The following TINAGL1 variants were observed in gnomAD, a reference collection of about 807,000 sequenced individuals.
TINAGL1 encodes tubulointerstitial nephritis antigen-like.
In TINAGL1, 34 loss-of-function variants were observed where a neutral mutation model predicts 62.0. That is an observed-to-expected ratio of 0.55 (90% CI 0.42 to 0.73). TINAGL1 has a LOEUF of 0.73. Ranked by LOEUF, TINAGL1 falls within the 30% of genes least tolerant of loss-of-function variation. TINAGL1 has a pLI of 0.00. For missense variants in TINAGL1, 516 were observed against 653.2 expected (o/e 0.79, Z 2.29); for synonymous variants, 221 against 249.7 (o/e 0.88, Z 1.08).
In TINAGL1 at chr1:31,577,364, C is replaced by T. The variant is rs756880465; in HGVS notation, c.216C>T (p.Tyr72=). Residue 72 remains tyrosine (Y), a synonymous_variant, in exon 2 of 12, where the codon TAC becomes TAT. Transcript: ENST00000271064. This position sits in a 1 kb window ranked among gnomAD's most constrained non-coding sequence, Gnocchi z 5.4. ...TGCCCTACCTGGGCGCCATCTGTTA[C>T]TGTGACCTCTTCTGCAACCGCACGG... ...CALPYLGAIC[Y]CDLFCNRTVS... 2 of 1,614,064 alleles carry T rather than the reference C, an allele frequency of 1.2e-6. No individual in the cohort carries two copies. Among genetic ancestry groups the T allele is most frequent in the South Asian group, 2.2e-5 (2 of 91,090 alleles).
chr1:31,580,203 CTCTCTCTCTG>C lies in TINAGL1; in HGVS notation c.374+946_374+955del, dbSNP rs1557557921. ...TCTCTCTCTCTCTCTCTCTCTCTCT[CTCTCTCTCTG>C]TCTCTCTCTCTCTGTCTCTCTCTGT... On this transcript the variant is annotated intron_variant, in intron 3 of 11. Transcript: ENST00000271064. 1.4e-3 allele frequency: 620 copies of C among 433,974 alleles called. 2 individuals are homozygous for C. Among genetic ancestry groups the C allele is most frequent in the Admixed American group, 2.2e-3 (24 of 10,750 alleles). 26.9% of individuals were successfully genotyped at this position (433,974 alleles called of 1,614,324 possible). A position where few individuals can be genotyped will look rare whatever the true frequency, so the allele number is the denominator to read the frequency against.
At chr1:31,580,657 C>T in intron 3 of TINAGL1, 1 of 1,288,808 alleles carries the variant, frequency 7.8e-7, no homozygotes, top group Non-Finnish European at 1.0e-6. Context: ...CCTTGAGGCT[C>T]CTTAAAAGGC....
In TINAGL1 at chr1:31,583,639, C is replaced by G; in HGVS notation, c.582+64C>G. ...TGGCTCAGAACCTCAGGGATGCTGG[C>G]CCTGTGCCCTGCTCCTCCAAGGGCC... On this transcript the variant is annotated intron_variant, in intron 5 of 11. Transcript: ENST00000271064. The surrounding 1 kb of genome is among the most constrained non-coding windows in gnomAD (Gnocchi z 4.4). The G allele has an allele frequency of 7.1e-7, 1 of 1,413,618 alleles. No homozygotes were observed. The highest frequency in any genetic ancestry group is 1.4e-5 in the African/African-American group (1 of 70,910). The allele number at this position is 1,413,618 out of a possible 1,614,324, so 87.6% of individuals were successfully genotyped here.
At position 31,587,679 on chromosome 1, in the gene TINAGL1, A is replaced by G. The variant is rs981738128; in HGVS notation, c.*700A>G. The stretch of plus-strand genomic sequence containing the variant: ...CACTGTTTTAAAATAAAACCAAAGT[A>G]TTGATAACTACAGTGTCTTGGAACC... On this transcript the variant is annotated 3_prime_UTR_variant, in exon 12 of 12. Transcript: ENST00000271064. The G allele has an allele frequency of 6.6e-6, 1 of 152,248 alleles. No homozygotes were observed. The highest frequency in any genetic ancestry group is 1.5e-5 in the Non-Finnish European group (1 of 68,056). 9.4% of individuals were successfully genotyped at this position (152,248 alleles called of 1,614,324 possible). A position where few individuals can be genotyped will look rare whatever the true frequency, so the allele number is the denominator to read the frequency against.
In TINAGL1 at chr1:31,585,852, G is replaced by C; in HGVS notation, c.1193G>C (p.Gly398Ala). The C allele has an allele frequency of 6.2e-7, 1 of 1,602,292 alleles. No individual in the cohort carries two copies. The highest frequency in any genetic ancestry group is 8.5e-7 in the Non-Finnish European group (1 of 1,174,012). ...LGRPERYRRH[G>A]THSVKITGWG... is the part of the protein sequence containing the mutation. The stretch of plus-strand genomic sequence containing the variant: ...AGGCCAGAGAGATACCGCCGGCATG[G>C]GACCCACTCAGTCAAGATCACAGGG... The change falls in exon 10 of 12, where the codon GGG becomes GCG. Residue 398 changes from glycine to alanine, a missense_variant. Gly to Ala is a moderately conservative substitution (Grantham distance 60). Transcript: ENST00000271064. The surrounding 1 kb of genome is among the most constrained non-coding windows in gnomAD (Gnocchi z 4.3).
At position 31,583,709 on chromosome 1, in the gene TINAGL1, C is replaced by T. The variant is rs1378933023; in HGVS notation, c.582+134C>T. 2.8e-6 allele frequency: 2 copies of T among 722,494 alleles called. No individual in the cohort carries two copies. Among genetic ancestry groups the T allele is most frequent in the East Asian group, 2.7e-5 (1 of 36,746 alleles). 44.8% of individuals were successfully genotyped at this position (722,494 alleles called of 1,614,324 possible). On this transcript the variant is annotated intron_variant, in intron 5 of 11. Coordinates refer to ENST00000271064, the MANE Select transcript of TINAGL1 (RefSeq NM_022164.3). This position sits in a 1 kb window ranked among gnomAD's most constrained non-coding sequence, Gnocchi z 4.4. ...AGGCTGTGTGTCCCTGGACAAGTTA[C>T]TCCCCTTCTCTGGGCCTCTGTTCCC...
chr1:31,585,607 C>A lies in TINAGL1; in HGVS notation c.1093+122C>A. ...GTCCAGTAGGGCCAGGAGTAGGGGT[C>A]CCCCCCTCCCACAGGCAGCACCTGG... On this transcript the variant is annotated intron_variant, in intron 9 of 11. Coordinates refer to ENST00000271064, the MANE Select transcript of TINAGL1 (RefSeq NM_022164.3). This position sits in a 1 kb window ranked among gnomAD's most constrained non-coding sequence, Gnocchi z 4.3. 1 of 1,519,834 alleles carries A rather than the reference C, an allele frequency of 6.6e-7. No individual in the cohort carries two copies. Among genetic ancestry groups the A allele is most frequent in the Non-Finnish European group, 8.9e-7 (1 of 1,123,664 alleles). 94.1% of individuals were successfully genotyped at this position (1,519,834 alleles called of 1,614,324 possible). A position where few individuals can be genotyped will look rare whatever the true frequency, so the allele number is the denominator to read the frequency against.
intron 3 of TINAGL1, chr1:31,579,664 A>C (rs921492902): frequency 1.2e-5 from 2 of 170,490 alleles, no homozygotes; most frequent in Admixed American, 1.2e-4. Context: ...GGGATGGCTG[A>C]GCGGGCGGCC....
At chr1:31,578,353 G>T (rs1639067991) in intron 2 of TINAGL1, among the ~76,000 whole-genome samples, 1 of 122,952 alleles carries the variant, frequency 8.1e-6, no homozygotes, top group Non-Finnish European at 1.6e-5. Context: ...GTTATAGTTT[G>T]GCTTCAATTT....
In TINAGL1 at chr1:31,585,784, A is replaced by G; in HGVS notation, c.1125A>G (p.Leu375=). 2 of 1,613,718 alleles carry G rather than the reference A, an allele frequency of 1.2e-6. No individual in the cohort carries two copies. The highest frequency in any genetic ancestry group is 2.2e-5 in the South Asian group (2 of 90,954). ...ALMEVHEDFF[L]YKGGIYSHTP... ...TGGAGGTGCATGAGGACTTCTTCCT[A>G]TACAAGGGAGGCATCTACAGCCACA... Residue 375 remains leucine (L), a synonymous_variant, in exon 10 of 12, where the codon CTA becomes CTG. Coordinates refer to ENST00000271064, the MANE Select transcript of TINAGL1 (RefSeq NM_022164.3). The surrounding 1 kb of genome is among the most constrained non-coding windows in gnomAD (Gnocchi z 4.3).
intron 3 of TINAGL1, chr1:31,580,739 G>GCT: frequency 8.0e-7 from 1 of 1,246,450 alleles, no homozygotes; most frequent in South Asian, 1.3e-5. Flanking sequence ...AGAGTTATGA[G>GCT]CTTGTAAAAG....
intron 3 of TINAGL1, 72 bp downstream of exon 3, chr1:31,579,339 C>A: frequency 1.4e-6 from 2 of 1,380,134 alleles, no homozygotes; most frequent in South Asian, 2.4e-5. Flanking sequence ...AAATCTTATC[C>A]CTGACCCCTT....
chr1:31,578,414 GTTTAA>G (rs1639071968), intron 2 of TINAGL1, among the ~76,000 whole-genome samples: 1 of 126,286 alleles, frequency 7.9e-6, no homozygotes, highest in South Asian at 3.0e-4. Context: ...TTCAGTTATA[GTTTAA>G]TTTTAGTGAC....
Position 31,585,420 on chromosome 1 carries a change from GTCCA to G in TINAGL1, c.1048-16_1048-13del. On this transcript the variant is annotated splice_polypyrimidine_tract_variant and intron_variant, in intron 8 of 11. Coordinates refer to ENST00000271064, the MANE Select transcript of TINAGL1 (RefSeq NM_022164.3). The surrounding 1 kb of genome is among the most constrained non-coding windows in gnomAD (Gnocchi z 4.3). ...GTCTCACCCCTGACGTATGCTCTCT[GTCCA>G]TCCCCTGCCCTCCAGGACAAGGAGA... 1 of 1,613,850 alleles carries G rather than the reference GTCCA, an allele frequency of 6.2e-7. No individual in the cohort carries two copies. Among genetic ancestry groups the G allele is most frequent in the Non-Finnish European group, 8.5e-7 (1 of 1,179,832 alleles).
At position 31,583,189 on chromosome 1, in the gene TINAGL1, C is replaced by G; in HGVS notation, c.415C>G (p.Pro139Ala). ...CAGGCAGTGGCAGTGTGACCAAGAA[C>G]CATGCCTGGTGGATCCAGACATGAT... is the stretch of plus-strand genomic sequence containing the variant. Reference protein sequence around the residue: ...ENRQWQCDQEPCLVDPDMIKA... With the variant: ...ENRQWQCDQEACLVDPDMIKA... Residue 139 changes from proline (P) to alanine (A), a missense_variant, in exon 4 of 12, where the codon CCA becomes GCA. Physicochemically the swap from Pro to Ala is conservative, Grantham distance 27 (BLOSUM62 -1). Transcript: ENST00000271064. This position sits in a 1 kb window ranked among gnomAD's most constrained non-coding sequence, Gnocchi z 4.4. The G allele has an allele frequency of 6.2e-7, 1 of 1,614,198 alleles. No individual in the cohort carries two copies. The highest frequency in any genetic ancestry group is 8.5e-7 in the Non-Finnish European group (1 of 1,180,034).
In TINAGL1 at chr1:31,586,842, G is replaced by A; in HGVS notation, c.1267G>A (p.Ala423Thr). ...PDGRTLKYWT[A>T]ANSWGPAWGE... Reference sequence around the variant, plus strand: ...CACCACCCCTCCTTATTCCCAGACTGCGGCCAACTCCTGGGGCCCAGCCTG... The same window carrying A: ...CACCACCCCTCCTTATTCCCAGACTACGGCCAACTCCTGGGGCCCAGCCTG... Residue 423 changes from alanine (A) to threonine (T), a missense_variant, in exon 12 of 12, where the codon GCG becomes ACG. Coordinates refer to ENST00000271064, the MANE Select transcript of TINAGL1 (RefSeq NM_022164.3). 6.5e-7 allele frequency: 1 copy of A among 1,544,454 alleles called. No homozygotes were observed. The highest frequency in any genetic ancestry group is 8.8e-7 in the Non-Finnish European group (1 of 1,142,072).
rs1388253907 is a variant in TINAGL1 at position 31,587,169 on chromosome 1, C to T, written c.*190C>T. The T allele has an allele frequency of 4.2e-5, 37 of 891,048 alleles. No homozygotes were observed. The East Asian group carries it at 1.2e-3, about 30-fold the overall frequency. The allele number at this position is 891,048 out of a possible 1,614,324, so 55.2% of individuals were successfully genotyped here. On this transcript the variant is annotated 3_prime_UTR_variant, in exon 12 of 12. Transcript: ENST00000271064. The stretch of plus-strand genomic sequence containing the variant: ...GGGAGCCGCGGGCAGGCGAGACTGG[C>T]GGAGCCCCCAGACCTCCCAGTGGGG...
chr1:31,583,381 C>A lies in TINAGL1; in HGVS notation c.468-80C>A. On this transcript the variant is annotated intron_variant, in intron 4 of 11. Coordinates refer to ENST00000271064, the MANE Select transcript of TINAGL1 (RefSeq NM_022164.3). The surrounding 1 kb of genome is among the most constrained non-coding windows in gnomAD (Gnocchi z 4.4). Reference sequence around the variant, plus strand: ...GTGTGTGCGCTCAGCCACTGTGCGTCTCTCCCACCCACATGCACCCACGCC... The same window carrying A: ...GTGTGTGCGCTCAGCCACTGTGCGTATCTCCCACCCACATGCACCCACGCC... The A allele has an allele frequency of 6.8e-7, 1 of 1,479,586 alleles. No homozygotes were observed. The highest frequency in any genetic ancestry group is 9.3e-7 in the Non-Finnish European group (1 of 1,071,752). The allele number at this position is 1,479,586 out of a possible 1,614,324, so 91.7% of individuals were successfully genotyped here. A position where few individuals can be genotyped will look rare whatever the true frequency, so the allele number is the denominator to read the frequency against.
At chr1:31,579,305 G>T in intron 3 of TINAGL1, 38 bp downstream of exon 3, 1 of 1,580,248 alleles carries the variant, frequency 6.3e-7, no homozygotes, top group Non-Finnish European at 8.7e-7. Flanking sequence ...TGCTTTGTGA[G>T]CCTGTGGCTG....
Sources: gnomAD v4.1 joint callset for allele counts (sites outside exome capture counted in the v4.1 genomes callset) on GRCh38, gnomAD v4.1.1 for gene constraint, Gnocchi (gnomAD v3.1) non-coding constraint, MANE v1.5 for transcripts, NCBI Gene and HGNC (gene_info 2026-07-23, HGNC 2026-07-21) for gene names.